Variants in CCDC39 observed in about 807,000 individuals in gnomAD.
The protein encoded by CCDC39 is coiled-coil domain 39 molecular ruler complex subunit, also known as coiled-coil domain-containing protein 39.
In CCDC39, 113 loss-of-function variants were observed where a neutral mutation model predicts 121.0. The observed-to-expected ratio is 0.93, with a 90% confidence interval of 0.80 to 1.09. The LOEUF (loss-of-function observed/expected upper bound fraction) is 1.09. Among genes scored for constraint, CCDC39 ranks in the 50% least tolerant of loss-of-function variants. The pLI, the probability that CCDC39 is intolerant of heterozygous loss-of-function variation, is 0.00. For missense variants in CCDC39, 1,063 were observed against 1,074.7 expected, an observed-to-expected ratio of 0.99 and a Z score of 0.15; for synonymous variants, 349 against 352.2, an observed-to-expected ratio of 0.99 and a Z score of 0.10.
rs939363342 is a variant in CCDC39 at position 180,663,443 on chromosome 3, C to T, written c.210+424G>A. Among the ~76,000 whole-genome samples the T allele has an allele frequency of 1.6e-4, 25 of 152,040 alleles. 2 individuals are homozygous for T. The South Asian group carries it at 4.6e-3, about 28-fold the overall frequency. ...GTCGCAGCACTTTGGGAGGCTGAGG[C>T]GGGAGGATCACCTGAGGTCAGGAGT... On this transcript the variant is annotated intron_variant, in intron 2 of 19. Coordinates refer to ENST00000476379, the MANE Select transcript of CCDC39 (RefSeq NM_181426.2).
At chr3:180,620,965 C>T (rs1717416466) in intron 14 of CCDC39, among the ~76,000 whole-genome samples, 1 of 152,070 alleles carries the variant, frequency 6.6e-6, no homozygotes, top group Admixed American at 6.6e-5. Flanking sequence ...CCACGCTCTA[C>T]CTCCATGTGT....
intron 11 of CCDC39, among the ~76,000 whole-genome samples, chr3:180,644,760 G>GA (rs1295967217): frequency 1.3e-5 from 2 of 152,054 alleles, no homozygotes; most frequent in African/African-American, 4.8e-5. Context: ...ATAATGACAA[G>GA]AAAAAAGTCT....
At position 180,647,255 on chromosome 3, in the gene CCDC39, TA is replaced by T. The variant is rs374074877; in HGVS notation, c.1363-13del. The T allele has an allele frequency of 0.028, 32,082 of 1,152,244 alleles. 5 individuals are homozygous for T. Among genetic ancestry groups the T allele is most frequent in the East Asian group, 0.055 (1,479 of 27,022 alleles). 71.4% of individuals were successfully genotyped at this position (1,152,244 alleles called of 1,614,324 possible). A position where few individuals can be genotyped will look rare whatever the true frequency, so the allele number is the denominator to read the frequency against. ...TGAATGTGAAAATCCTGTTACAGTTTAAAAAAAAAAAGGTATTACAAAGAAA... is the reference window on the plus strand; with the variant it reads ...TGAATGTGAAAATCCTGTTACAGTTTAAAAAAAAAAGGTATTACAAAGAAA... On this transcript the variant is annotated splice_polypyrimidine_tract_variant and intron_variant, in intron 10 of 19. Transcript: ENST00000476379.
chr3:180,677,862 TTC>T (rs1712279530), intron 1 of CCDC39, among the ~76,000 whole-genome samples: 2 of 152,154 alleles, frequency 1.3e-5, no homozygotes, highest in African/African-American at 4.8e-5. Flanking sequence ...TACCCTTCTA[TTC>T]TGTTTGAATA....
chr3:180,654,777 A>C lies in CCDC39; in HGVS notation c.915T>G (p.Ile305Met), dbSNP rs928719736. The C allele has an allele frequency of 1.2e-6, 2 of 1,607,102 alleles. No homozygotes were observed. Among genetic ancestry groups the C allele is most frequent in the African/African-American group, 2.7e-5 (2 of 74,578 alleles). ...GTTGACATACCTCACCCTTCAGCTG[A>C]ATTCTACTAGTTTCATGGTCCTGAT... is the stretch of plus-strand genomic sequence containing the variant. Reference protein sequence around the residue: ...TAYQDHETSRIQLKGELDSLK... With the variant: ...TAYQDHETSRMQLKGELDSLK... Residue 305 changes from isoleucine (I) to methionine (M), a missense_variant, in exon 7 of 20, where the codon ATT (isoleucine) becomes ATG (methionine). Ile to Met is a conservative substitution (Grantham distance 10). Transcript: ENST00000476379.
chr3:180,657,933 G>A (rs1045130792), intron 6 of CCDC39, among the ~76,000 whole-genome samples: 15 of 152,126 alleles, frequency 9.9e-5, no homozygotes, highest in African/African-American at 3.6e-4. Context: ...TGAAAGCAAT[G>A]AGAAGTTAAG....
intron 2 of CCDC39, 94 bp from the exon 3 acceptor site, chr3:180,662,101 C>T: frequency 2.4e-6 from 3 of 1,237,724 alleles, no homozygotes; most frequent in African/African-American, 3.1e-5. Flanking sequence ...AAACAAAGTT[C>T]CCATAAATTG....
In CCDC39 at chr3:180,659,845, A is replaced by T. The variant is rs549615167; in HGVS notation, c.517-76T>A. 19 of 911,868 alleles carry T rather than the reference A, an allele frequency of 2.1e-5. No individual in the cohort carries two copies. The East Asian group carries it at 5.0e-4, about 24-fold the overall frequency. The allele number at this position is 911,868 out of a possible 1,614,324, so 56.5% of individuals were successfully genotyped here. A position where few individuals can be genotyped will look rare whatever the true frequency, so the allele number is the denominator to read the frequency against. ...AATGTTATTAGTGTATCTAACATTA[A>T]ATAGTATTACACTATACATTTACAT... is the stretch of plus-strand genomic sequence containing the variant. On this transcript the variant is annotated intron_variant, in intron 4 of 19. Transcript: ENST00000476379.
intron 1 of CCDC39, among the ~76,000 whole-genome samples, chr3:180,668,323 C>T (rs1158620652): frequency 6.6e-6 from 1 of 152,002 alleles, no homozygotes; most frequent in Non-Finnish European, 1.5e-5. Flanking sequence ...AGGTTGCAGT[C>T]GGCTCAGATC....
Position 180,615,097 on chromosome 3 carries a change from T to C in CCDC39, c.2670-20A>G. 6.7e-7 allele frequency: 1 copy of C among 1,503,188 alleles called. No individual in the cohort carries two copies. The highest frequency in any genetic ancestry group is 8.9e-7 in the Non-Finnish European group (1 of 1,127,800). 93.1% of individuals were successfully genotyped at this position (1,503,188 alleles called of 1,614,324 possible). A position where few individuals can be genotyped will look rare whatever the true frequency, so the allele number is the denominator to read the frequency against. On this transcript the variant is annotated intron_variant, in intron 19 of 19. Transcript: ENST00000476379. ...GATGACCTAGAAGAAAAACCAGAAT[T>C]ATAAATTCAATGCAAAGTTTATATT...
At chr3:180,646,138 A>C (rs930580896) in intron 11 of CCDC39, among the ~76,000 whole-genome samples, 2 of 152,188 alleles carry the variant, frequency 1.3e-5, no homozygotes, top group Non-Finnish European at 2.9e-5. Flanking sequence ...TTAAAACAGC[A>C]GTAGTGGTAT....
intron 10 of CCDC39, 95 bp downstream of exon 10, chr3:180,648,070 G>T (rs1718115130): frequency 1.0e-6 from 1 of 988,904 alleles, no homozygotes; most frequent in Non-Finnish European, 1.5e-6. Flanking sequence ...CCACAAAAGG[G>T]CTTATAATTC....
Position 180,644,277 on chromosome 3 carries a change from T to A in CCDC39, c.1528-20A>T. 2 of 1,423,306 alleles carry A rather than the reference T, an allele frequency of 1.4e-6. No homozygotes were observed. The highest frequency in any genetic ancestry group is 1.9e-6 in the Non-Finnish European group (2 of 1,058,396). The allele number at this position is 1,423,306 out of a possible 1,614,324, so 88.2% of individuals were successfully genotyped here. ...ATCATTCTGCAAAAAAGAAAAAAGG[T>A]ATATAAATGTATGTTTTAAATATTG... On this transcript the variant is annotated intron_variant, in intron 11 of 19. Transcript: ENST00000476379.
At chr3:180,649,789 T>C (rs1453561119) in intron 9 of CCDC39, among the ~76,000 whole-genome samples, 1 of 152,218 alleles carries the variant, frequency 6.6e-6, no homozygotes, top group Non-Finnish European at 1.5e-5. Context: ...ATGTCTGAAG[T>C]TTTTAATTCT....
At chr3:180,628,583 G>A (rs1416374219) in intron 14 of CCDC39, among the ~76,000 whole-genome samples, 1 of 152,170 alleles carries the variant, frequency 6.6e-6, no homozygotes, top group African/African-American at 2.4e-5. Flanking sequence ...CTAATAAAAA[G>A]GGTCAACAAG....
At chr3:180,625,336 TA>T (rs764442964) in intron 14 of CCDC39, among the ~76,000 whole-genome samples, 19 of 151,714 alleles carry the variant, frequency 1.3e-4, no homozygotes, top group Non-Finnish European at 2.5e-4. Flanking sequence ...TTTGCTTGTG[TA>T]GTCTATTTTT....
rs1415367720 is a variant in CCDC39 at position 180,616,712 on chromosome 3, G to A, written c.2407-17C>T. On this transcript the variant is annotated splice_polypyrimidine_tract_variant and intron_variant, in intron 17 of 19. Coordinates refer to ENST00000476379, the MANE Select transcript of CCDC39 (RefSeq NM_181426.2). The stretch of plus-strand genomic sequence containing the variant: ...TTTTGCACACTGTTGGTAAATAATA[G>A]TCAATTATTCTATAAACGTGTTTAC... 1 of 1,580,178 alleles carries A rather than the reference G, an allele frequency of 6.3e-7. No individual in the cohort carries two copies. The highest frequency in any genetic ancestry group is 8.6e-7 in the Non-Finnish European group (1 of 1,161,284).
chr3:180,649,915 T>C (rs1718159198), intron 9 of CCDC39, among the ~76,000 whole-genome samples: 1 of 152,240 alleles, frequency 6.6e-6, no homozygotes, highest in South Asian at 2.1e-4. Flanking sequence ...CCAAAACTTT[T>C]AAAACATAAT....
At chr3:180,677,152 AATAATAATAATAATTTTATAT>A (rs1264081353) in intron 1 of CCDC39, among the ~76,000 whole-genome samples, 20 of 115,012 alleles carry the variant, frequency 1.7e-4, no homozygotes, top group African/African-American at 6.4e-4. Flanking sequence ...TTATAATAAT[AATAATAATAATAATTTTATAT>A]ATATATATAT....
Sources: allele counts gnomAD v4.1 joint callset (sites outside exome capture counted in the v4.1 genomes callset), GRCh38; gene constraint gnomAD v4.1.1; transcripts MANE v1.5; gene names NCBI Gene and HGNC (gene_info 2026-07-23, HGNC 2026-07-21).